ARVCF: variants seen among roughly 807,000 people sequenced by gnomAD.
ARVCF encodes splicing regulator ARVCF.
Under a neutral mutation model 90.9 loss-of-function variants are expected in ARVCF, and 66 were observed. That is an observed-to-expected ratio of 0.73 (90% CI 0.60 to 0.89). ARVCF has a LOEUF of 0.89. Among genes scored for constraint, ARVCF ranks in the 40% least tolerant of loss-of-function variants. The pLI is 0.00. For missense variants in ARVCF, 1,469 were observed against 1,382.3 expected (o/e 1.06, Z -1.00); for synonymous variants, 653 against 603.4 (o/e 1.08, Z -1.21).
intron 3 of ARVCF, among the ~76,000 whole-genome samples, chr22:19,989,126 C>T (rs1196868842): frequency 6.6e-6 from 1 of 152,130 alleles, no homozygotes; most frequent in African/African-American, 2.4e-5. Flanking sequence ...CCCAGCTGGG[C>T]CCAGCGTTCT....
At chr22:19,997,267 G>A (rs912432682) in intron 2 of ARVCF, among the ~76,000 whole-genome samples, 6 of 152,156 alleles carry the variant, frequency 3.9e-5, no homozygotes, top group African/African-American at 4.8e-5. Context: ...CAGGCAGGAC[G>A]TGACAGGTGA....
Position 19,970,481 on chromosome 22 carries a change from GCCCAGTC to G in ARVCF, c.*268_*274del. On this transcript the variant is annotated 3_prime_UTR_variant, in exon 20 of 20. Transcript: ENST00000263207. The stretch of plus-strand genomic sequence containing the variant: ...CACCTCCCTGGGCCCTGCCCCAGCA[GCCCAGTC>G]GGCCTCCTCGGGCCTTCTGTCACTC... 9.4e-7 allele frequency: 1 copy of G among 1,059,624 alleles called. No homozygotes were observed. Among genetic ancestry groups the G allele is most frequent in the South Asian group, 2.4e-5 (1 of 42,102 alleles). The allele number at this position is 1,059,624 out of a possible 1,614,324, so 65.6% of individuals were successfully genotyped here.
chr22:19,972,513 G>A lies in ARVCF; in HGVS notation c.2642-102C>T, dbSNP rs889407010. On this transcript the variant is annotated intron_variant, in intron 16 of 19. Coordinates refer to ENST00000263207, the MANE Select transcript of ARVCF (RefSeq NM_001670.3). ...GCCCAGGTAGCCCTAGAGGCTCTCT[G>A]TCACTAAGGTGCCCAACCTCTGCCA... 2.1e-6 allele frequency: 3 copies of A among 1,437,008 alleles called. No individual in the cohort carries two copies. The Admixed American group carries it at 5.8e-5, about 28-fold the overall frequency. 89.0% of individuals were successfully genotyped at this position (1,437,008 alleles called of 1,614,324 possible).
At chr22:19,968,928 A>T, downstream of ARVCF, 1 of 599,590 alleles carries the variant, frequency 1.7e-6, no homozygotes, top group South Asian at 1.9e-5. Flanking sequence ...AGACTCAATC[A>T]TGACTTCTTT....
chr22:19,995,010 G>A (rs1280801945), intron 2 of ARVCF, among the ~76,000 whole-genome samples: 1 of 151,762 alleles, frequency 6.6e-6, no homozygotes, highest in Non-Finnish European at 1.5e-5. Context: ...GGTGGATGAA[G>A]TCATAGAAGG....
chr22:20,015,678 G>A (rs1054542775), intron 1 of ARVCF, among the ~76,000 whole-genome samples: 1 of 152,124 alleles, frequency 6.6e-6, no homozygotes, highest in Non-Finnish European at 1.5e-5. Context: ...TACCATAGGG[G>A]AGGTTTCCCC....
intron 7 of ARVCF, among the ~76,000 whole-genome samples, chr22:19,978,336 A>G (rs1217600278): frequency 5.3e-5 from 8 of 152,288 alleles, no homozygotes; most frequent in African/African-American, 1.9e-4. Flanking sequence ...CCTGCCTCCC[A>G]GCTGACCTGG....
At chr22:19,977,292 C>T (rs1023782617) in intron 9 of ARVCF, 123 bp downstream of exon 9, 1 of 1,311,278 alleles carries the variant, frequency 7.6e-7, no homozygotes, top group South Asian at 1.9e-5. Context: ...TCCCTGCCTG[C>T]CTGTTGGGGG....
Position 19,972,905 on chromosome 22 carries a change from G to T in ARVCF, c.2550+20C>A, listed in dbSNP as rs777037076. On this transcript the variant is annotated intron_variant, in intron 15 of 19. Transcript: ENST00000263207. ...AGGCAAAGTGAGCAGGGAATGGAAG[G>T]AAGGCCAGGGAAGCCGCACCTGGAA... 3 of 1,613,754 alleles carry T rather than the reference G, an allele frequency of 1.9e-6. No homozygotes were observed. In the African/African-American group the frequency reaches 4.0e-5, roughly 22 times the overall value.
chr22:19,985,758 G>C (rs577447354), intron 3 of ARVCF, among the ~76,000 whole-genome samples: 3 of 152,284 alleles, frequency 2.0e-5, no homozygotes, highest in African/African-American at 4.8e-5. Context: ...GCAGGGGCAG[G>C]CCCCTCCCCT....
chr22:20,005,771 G>A (rs1016331786), intron 2 of ARVCF, among the ~76,000 whole-genome samples: 3 of 151,638 alleles, frequency 2.0e-5, no homozygotes, highest in African/African-American at 7.3e-5. Context: ...ACTCCAGCCT[G>A]GGCGGCAGAG....
chr22:19,967,209 CCT>C (rs1328773384), downstream of ARVCF: 39 of 1,304,798 alleles, frequency 3.0e-5, no homozygotes, highest in Non-Finnish European at 3.9e-5. Context: ...CTTCTGTATC[CCT>C]GATGACCAGA....
At chr22:20,003,513 C>T (rs1601669214) in intron 2 of ARVCF, among the ~76,000 whole-genome samples, 1 of 152,094 alleles carries the variant, frequency 6.6e-6, no homozygotes, top group South Asian at 2.1e-4. Context: ...CTGCATTTTA[C>T]AAGAATTATA....
chr22:20,016,015 G>A (rs1945098453), intron 1 of ARVCF, among the ~76,000 whole-genome samples: 2 of 152,244 alleles, frequency 1.3e-5, no homozygotes, highest in Admixed American at 1.3e-4. Flanking sequence ...GGCACCGAGG[G>A]GGCGCAGGGC....
At chr22:19,970,790 C>T (rs1334045986) in intron 19 of ARVCF, 47 bp from the exon 20 acceptor site, 1 of 1,293,664 alleles carries the variant, frequency 7.7e-7, no homozygotes, top group Non-Finnish European at 1.0e-6. Context: ...CTGAGTGGCA[C>T]AGGACCACGT....
intron 5 of ARVCF, chr22:19,980,817 T>C (rs1943450383): frequency 9.4e-6 from 2 of 213,884 alleles, no homozygotes; most frequent in South Asian, 1.5e-4. Flanking sequence ...GTCAGGTGAC[T>C]TGGCCAGGGT....
At position 19,972,972 on chromosome 22, in the gene ARVCF, G is replaced by C. The variant is rs766302023; in HGVS notation, c.2503C>G (p.Leu835Val). The C allele has an allele frequency of 5.4e-5, 87 of 1,613,642 alleles. No individual in the cohort carries two copies. The highest frequency in any genetic ancestry group is 7.2e-5 in the Non-Finnish European group (85 of 1,180,032). ...VLQTVWSYKE[L>V]RGTLQKDGWT... The stretch of plus-strand genomic sequence containing the variant: ...CCATCTTTCTGCAAGGTACCACGCA[G>C]CTCCTTGTAGCTCCACACTGTCTGC... The change falls in exon 15 of 20, where the codon CTG becomes GTG. Residue 835 changes from leucine to valine, a missense_variant. Coordinates refer to ENST00000263207, the MANE Select transcript of ARVCF (RefSeq NM_001670.3).
chr22:20,006,678 C>T (rs1944640715), intron 2 of ARVCF, among the ~76,000 whole-genome samples: 1 of 150,612 alleles, frequency 6.6e-6, no homozygotes, highest in African/African-American at 2.4e-5. Flanking sequence ...TGTCGCCAGG[C>T]TAGAGTGCAG....
intron 19 of ARVCF, 133 bp downstream of exon 19, chr22:19,971,083 C>T: frequency 2.1e-6 from 3 of 1,445,528 alleles, no homozygotes; most frequent in Non-Finnish European, 2.8e-6. Context: ...GGCCACTGGG[C>T]TGCTGGACTG....
Sources: gnomAD v4.1 joint callset for allele counts (sites outside exome capture counted in the v4.1 genomes callset) on GRCh38, gnomAD v4.1.1 for gene constraint, MANE v1.5 for transcripts, NCBI Gene and HGNC (gene_info 2026-07-23, HGNC 2026-07-21) for gene names.